Variants in ATG16L1 observed in about 807,000 individuals in gnomAD.
ATG16L1 encodes autophagy related 16 like 1.
In ATG16L1, 37 loss-of-function variants were observed where a neutral mutation model predicts 88.5. The ratio of observed to expected loss-of-function variants is 0.42; its 90% CI spans 0.32 to 0.55. The LOEUF (loss-of-function observed/expected upper bound fraction) is 0.55. Ranked by LOEUF, ATG16L1 falls within the 20% of genes least tolerant of loss-of-function variation. The pLI, the probability that ATG16L1 is intolerant of heterozygous loss-of-function variation, is 0.13. For missense variants in ATG16L1, 554 were observed against 752.8 expected, an observed-to-expected ratio of 0.74 and a Z score of 3.09; for synonymous variants, 301 against 281.0, an observed-to-expected ratio of 1.07 and a Z score of -0.71.
At chr2:233,263,048 C>T (rs1336142206) in intron 2 of ATG16L1, 82 bp from the exon 3 acceptor site, 3 of 1,175,350 alleles carry the variant, frequency 2.6e-6, no homozygotes, top group Non-Finnish European at 2.5e-6. Flanking sequence ...GGTTTCATTG[C>T]CTAATTGGAA....
Position 233,256,169 on chromosome 2 carries a change from T to C in ATG16L1, c.183T>C (p.His61=). The part of the protein sequence containing the change: ...VLAQKLQAEK[H]DVPNRHEISP... ...CCCAGAAACTACAGGCTGAAAAGCA[T>C]GACGTACCAAACAGGCACGAGATAA... The change falls in exon 2 of 18, where the codon CAT becomes CAC. Residue 61 remains histidine, a synonymous_variant. Transcript: ENST00000392017. The C allele has an allele frequency of 6.2e-7, 1 of 1,614,148 alleles. No homozygotes were observed. The highest frequency in any genetic ancestry group is 8.5e-7 in the Non-Finnish European group (1 of 1,180,000).
At chr2:233,292,299 G>T (rs773252498) in intron 15 of ATG16L1, 22 bp downstream of exon 15, 1 of 1,613,906 alleles carries the variant, frequency 6.2e-7, no homozygotes, top group Admixed American at 1.7e-5. Flanking sequence ...TGTGCTGGTT[G>T]CATGAAGACC....
chr2:233,277,303 C>T (rs1215910209), intron 9 of ATG16L1: 1 of 308,502 alleles, frequency 3.2e-6, no homozygotes, highest in Non-Finnish European at 6.2e-6. Context: ...GAAATTAATG[C>T]AAGGACCAAC....
chr2:233,294,211 C>G (rs1699660032), intron 17 of ATG16L1, 46 bp from the exon 18 acceptor site: 1 of 1,462,062 alleles, frequency 6.8e-7, no homozygotes, highest in South Asian at 1.3e-5. Flanking sequence ...AAGATCTCAT[C>G]CCAAATGTTC....
At chr2:233,290,813 G>A (rs1699411060) in intron 14 of ATG16L1, among the ~76,000 whole-genome samples, 1 of 152,162 alleles carries the variant, frequency 6.6e-6, no homozygotes, top group Admixed American at 6.5e-5. Flanking sequence ...CATGGCAAGT[G>A]AGCAGGAAAC....
rs547387955 is a variant in ATG16L1 at position 233,294,553 on chromosome 2, G to GA, written c.*209dup. The GA allele has an allele frequency of 5.4e-3, 2,398 of 443,156 alleles. 17 individuals carry two copies. Among genetic ancestry groups the GA allele is most frequent in the Middle Eastern group, 0.024 (40 of 1,680 alleles). The allele number at this position is 443,156 out of a possible 1,614,324, so 27.5% of individuals were successfully genotyped here. A position where few individuals can be genotyped will look rare whatever the true frequency, so the allele number is the denominator to read the frequency against. On this transcript the variant is annotated 3_prime_UTR_variant, in exon 18 of 18. Coordinates refer to ENST00000392017, the MANE Select transcript of ATG16L1 (RefSeq NM_030803.7). ...TCTCTTGGCCTGGAAGAATAACACT[G>GA]AAAAAACCTGACGCTGCGGTCACTT...
Position 233,256,213 on chromosome 2 carries a change from T to C in ATG16L1, c.209+18T>C. On this transcript the variant is annotated intron_variant, in intron 2 of 17. Coordinates refer to ENST00000392017, the MANE Select transcript of ATG16L1 (RefSeq NM_030803.7). The stretch of plus-strand genomic sequence containing the variant: ...GAGATAAGGTATTTTGAAACTAACT[T>C]GTATTATTTATGTCTCCTCTAAGGA... 1 of 1,599,908 alleles carries C rather than the reference T, an allele frequency of 6.3e-7. No individual in the cohort carries two copies. Among genetic ancestry groups the C allele is most frequent in the African/African-American group, 1.3e-5 (1 of 74,710 alleles).
rs1165698005 is a variant in ATG16L1 at position 233,257,320 on chromosome 2, C to T, written c.209+1125C>T. ...GTGGGATTACAGGCTTGAGCCACCG[C>T]GCCCAGCCCAGCTTACAATTTTTAA... On this transcript the variant is annotated intron_variant, in intron 2 of 17. Transcript: ENST00000392017. Among the ~76,000 whole-genome samples the T allele has an allele frequency of 2.0e-5, 3 of 152,164 alleles. No homozygotes were observed. The East Asian group carries it at 5.8e-4, about 29-fold the overall frequency.
chr2:233,253,924 TA>T (rs1389022481), intron 1 of ATG16L1, among the ~76,000 whole-genome samples: 11 of 152,342 alleles, frequency 7.2e-5, no homozygotes, highest in African/African-American at 2.6e-4. Context: ...TAAAAGCTAA[TA>T]TCCTTTGAAA....
intron 14 of ATG16L1, among the ~76,000 whole-genome samples, chr2:233,291,800 A>G (rs1209648432): frequency 6.6e-6 from 1 of 152,254 alleles, no homozygotes; most frequent in Non-Finnish European, 1.5e-5. Context: ...AAAAGTTGAA[A>G]TCACATCACT....
At chr2:233,283,949 A>G (rs1477451935) in intron 12 of ATG16L1, among the ~76,000 whole-genome samples, 4 of 151,690 alleles carry the variant, frequency 2.6e-5, no homozygotes, top group Non-Finnish European at 4.4e-5. Flanking sequence ...GGTTCAAGCA[A>G]TTCTCCTGCC....
At chr2:233,255,378 A>T (rs1696705109) in intron 1 of ATG16L1, among the ~76,000 whole-genome samples, 1 of 152,102 alleles carries the variant, frequency 6.6e-6, no homozygotes, top group South Asian at 2.1e-4. Context: ...TTTCCTCTCT[A>T]AGCTCTCCCC....
chr2:233,256,693 CTTTTTT>C (rs1175941099), intron 2 of ATG16L1, among the ~76,000 whole-genome samples: 4 of 140,470 alleles, frequency 2.8e-5, no homozygotes, highest in Non-Finnish European at 4.7e-5. Context: ...TTTTCTTTTT[CTTTTTT>C]TTTTTTTTCT....
chr2:233,251,948 C>A lies in ATG16L1; in HGVS notation c.115+6C>A. 6.5e-7 allele frequency: 1 copy of A among 1,537,284 alleles called. No homozygotes were observed. The highest frequency in any genetic ancestry group is 8.8e-7 in the Non-Finnish European group (1 of 1,141,998). On this transcript the variant is annotated splice_donor_region_variant and intron_variant, in intron 1 of 17. Transcript: ENST00000392017. The stretch of plus-strand genomic sequence containing the variant: ...CGAGGAGATCATCCTGCAGTGTGAG[C>A]GGCGCCGGTGCGGGCTGGGAGTGGG...
chr2:233,294,040 A>T (rs189823845), intron 17 of ATG16L1, among the ~76,000 whole-genome samples: 6 of 152,070 alleles, frequency 3.9e-5, no homozygotes, highest in Non-Finnish European at 8.8e-5. Context: ...AACTCCCTTC[A>T]TCCCAGCATG....
intron 8 of ATG16L1, 176 bp downstream of exon 8, chr2:233,273,953 A>G (rs1346052364): frequency 6.5e-7 from 1 of 1,547,342 alleles, no homozygotes; most frequent in Non-Finnish European, 8.7e-7. Flanking sequence ...CTTTCCTCTT[A>G]ATCTCGCTGC....
At chr2:233,275,684 C>T (rs1440827963) in intron 9 of ATG16L1, 2 of 510,994 alleles carry the variant, frequency 3.9e-6, no homozygotes, top group African/African-American at 1.9e-5. Flanking sequence ...TTCCCAGTCC[C>T]ACTCCACTCC....
At chr2:233,261,206 C>T (rs916804455) in intron 2 of ATG16L1, among the ~76,000 whole-genome samples, 2 of 152,172 alleles carry the variant, frequency 1.3e-5, no homozygotes, top group African/African-American at 2.4e-5. Context: ...CCGCCCGCCT[C>T]GGCCTCCCAA....
At chr2:233,275,627 G>A (rs1698294566) in intron 9 of ATG16L1, 1 of 462,202 alleles carries the variant, frequency 2.2e-6, no homozygotes, top group Non-Finnish European at 4.3e-6. Context: ...GTTGTAAAGA[G>A]AGTTCCGCTT....
Sources: gnomAD v4.1 joint callset for allele counts (sites outside exome capture counted in the v4.1 genomes callset) on GRCh38, gnomAD v4.1.1 for gene constraint, MANE v1.5 for transcripts, NCBI Gene and HGNC (gene_info 2026-07-23, HGNC 2026-07-21) for gene names.